The following DNAH5 variants were observed in gnomAD, a reference collection of about 807,000 sequenced individuals.
DNAH5 encodes the protein axonemal beta dynein heavy chain 5.
In DNAH5, 372 loss-of-function variants were observed where a neutral mutation model predicts 518.2. The ratio of observed to expected loss-of-function variants is 0.72; its 90% CI spans 0.66 to 0.78. The LOEUF (loss-of-function observed/expected upper bound fraction) is 0.78, where lower values mean the gene tolerates loss of function less well. Among genes scored for constraint, DNAH5 ranks in the 30% least tolerant of loss-of-function variants. The pLI is 0.00. For missense variants in DNAH5, 5,523 were observed against 5,687.0 expected (o/e 0.97, Z 0.93); for synonymous variants, 2,039 against 2,025.9 (o/e 1.01, Z -0.17).
rs1431853289 is a variant in DNAH5 at position 13,737,325 on chromosome 5, C to A, written c.11382G>T (p.Glu3794Asp). The part of the protein sequence containing the change: ...VLSNTKRTAE[E>D]VTQKLEISAE... ...CAGAAATTTCTAGCTTCTGTGTCAC[C>A]TCCTCGGCTGTCCTTTTTGTGTTAC... The change falls in exon 66 of 79, where the codon GAG (glutamate) becomes GAT (aspartate). Residue 3794 changes from glutamate (E) to aspartate (D), a missense_variant. Physicochemically the swap from Glu to Asp is conservative, Grantham distance 45. Transcript: ENST00000265104. 2 of 1,614,068 alleles carry A rather than the reference C, an allele frequency of 1.2e-6. No individual in the cohort carries two copies. Among genetic ancestry groups the A allele is most frequent in the Non-Finnish European group, 8.5e-7 (1 of 1,180,000 alleles).
At chr5:13,951,482 G>A (rs933386410) in intron 1 of DNAH5, among the ~76,000 whole-genome samples, 7 of 151,888 alleles carry the variant, frequency 4.6e-5, no homozygotes, top group African/African-American at 7.3e-5. Context: ...AGCCTCCCGA[G>A]GTGCTGTGAT....
chr5:13,720,994 C>G lies in DNAH5; in HGVS notation c.12279+6G>C, dbSNP rs762179184. 2.4e-5 allele frequency: 38 copies of G among 1,613,998 alleles called. No homozygotes were observed. In the African/African-American group the frequency reaches 4.8e-4, roughly 20 times the overall value. ...CATGGCACAAAAGTAGACTATTCAGCCTTACGTTCGCCATGGTCTGCTGCA... is the reference window on the plus strand; with the variant it reads ...CATGGCACAAAAGTAGACTATTCAGGCTTACGTTCGCCATGGTCTGCTGCA... On this transcript the variant is annotated splice_donor_region_variant and intron_variant, in intron 71 of 78. Coordinates refer to ENST00000265104, the MANE Select transcript of DNAH5 (RefSeq NM_001369.3).
intron 30 of DNAH5, among the ~76,000 whole-genome samples, chr5:13,856,476 C>T (rs527278734): frequency 1.3e-4 from 20 of 152,074 alleles, no homozygotes; most frequent in East Asian, 3.9e-4. Flanking sequence ...AAAACTATTC[C>T]GAACAATAGA....
chr5:13,810,321 G>A, intron 44 of DNAH5, 61 bp from the exon 45 acceptor site: 2 of 1,415,000 alleles, frequency 1.4e-6, no homozygotes, highest in Non-Finnish European at 9.8e-7. Context: ...GTTGCTCTAG[G>A]GTTTCAATGG....
intron 15 of DNAH5, among the ~76,000 whole-genome samples, chr5:13,895,395 C>A (rs371428950): frequency 2.6e-5 from 4 of 152,248 alleles, no homozygotes; most frequent in East Asian, 3.9e-4. Flanking sequence ...GGGAGAAAAT[C>A]TAAGGCCAAG....
chr5:13,735,702 A>C, intron 67 of DNAH5, 116 bp downstream of exon 67: 1 of 896,562 alleles, frequency 1.1e-6, no homozygotes, highest in South Asian at 1.3e-5. Context: ...CACTGATCTG[A>C]GATTTAAAAA....
intron 51 of DNAH5, among the ~76,000 whole-genome samples, chr5:13,787,400 G>A (rs1283975412): frequency 6.6e-6 from 1 of 152,148 alleles, no homozygotes; most frequent in African/African-American, 2.4e-5. Context: ...TCAATTGACT[G>A]TGTCCTAACA....
At chr5:13,815,909 T>C (rs1761386778) in intron 42 of DNAH5, among the ~76,000 whole-genome samples, 1 of 151,940 alleles carries the variant, frequency 6.6e-6, no homozygotes, top group Admixed American at 6.6e-5. Flanking sequence ...TCTAGATAAG[T>C]GTGGAGAGAG....
At chr5:13,809,992 G>C in intron 45 of DNAH5, 67 bp downstream of exon 45, 1 of 1,403,026 alleles carries the variant, frequency 7.1e-7, no homozygotes, top group Non-Finnish European at 9.9e-7. Context: ...TATATATGGT[G>C]TAAATATTGG....
chr5:13,765,383 G>C (rs994647840), intron 59 of DNAH5, among the ~76,000 whole-genome samples: 2 of 152,156 alleles, frequency 1.3e-5, no homozygotes, highest in African/African-American at 4.8e-5. Context: ...CAAAACAAAA[G>C]TGTTCATACA....
intron 41 of DNAH5, among the ~76,000 whole-genome samples, 159 bp from the exon 42 acceptor site, chr5:13,817,853 T>G (rs1054806849): frequency 1.7e-4 from 26 of 152,264 alleles, no homozygotes; most frequent in African/African-American, 6.0e-4. Context: ...TAAGTTACCA[T>G]AATTAGCTTC....
chr5:13,769,633 A>C lies in DNAH5; in HGVS notation c.9606-18T>G, dbSNP rs374561149. ...TATTCATTCTGGGATTGAAAATCCA[A>C]GCAAGCAATGTTAAAATGTGTAGGA... On this transcript the variant is annotated intron_variant, in intron 56 of 78. Coordinates refer to ENST00000265104, the MANE Select transcript of DNAH5 (RefSeq NM_001369.3). 27 of 1,598,182 alleles carry C rather than the reference A, an allele frequency of 1.7e-5. No homozygotes were observed. Among genetic ancestry groups the C allele is most frequent in the Non-Finnish European group, 2.2e-5 (26 of 1,165,634 alleles).
Position 13,931,197 on chromosome 5 carries a change from C to T in DNAH5, c.105G>A (p.Ala35=), listed in dbSNP as rs753457503. 6.2e-7 allele frequency: 1 copy of T among 1,614,104 alleles called. No individual in the cohort carries two copies. Among genetic ancestry groups the T allele is most frequent in the Non-Finnish European group, 8.5e-7 (1 of 1,179,966 alleles). Reference sequence around the variant, plus strand: ...CAATTGCAAATAAGTAGTTATGCCTCGCATCCAAAAGAGCCCGCTTGGCTT... The same window carrying T: ...CAATTGCAAATAAGTAGTTATGCCTTGCATCCAAAAGAGCCCGCTTGGCTT... ...EKEAKRALLD[A]RHNYLFAIVA... Residue 35 remains alanine, a synonymous_variant, in exon 2 of 79, where the codon GCG becomes GCA. Coordinates refer to ENST00000265104, the MANE Select transcript of DNAH5 (RefSeq NM_001369.3).
intron 45 of DNAH5, 46 bp downstream of exon 45, chr5:13,810,013 A>G (rs1198860172): frequency 6.6e-7 from 1 of 1,524,386 alleles, no homozygotes; most frequent in African/African-American, 1.4e-5. Flanking sequence ...CCATGTAGGA[A>G]AGAACGGCCC....
At chr5:13,852,098 C>A (rs1375997033) in intron 30 of DNAH5, among the ~76,000 whole-genome samples, 8 of 106 alleles carry the variant, frequency 0.075, no homozygotes, top group African/African-American at 0.19. Flanking sequence ...GTGCCTACCC[C>A]ACAAGGGCCT....
At chr5:13,930,755 A>G (rs1403362019) in intron 2 of DNAH5, among the ~76,000 whole-genome samples, 16 of 152,232 alleles carry the variant, frequency 1.1e-4, no homozygotes, top group Admixed American at 1.0e-3. Context: ...TCCAGTGCCT[A>G]GAACAGGGGA....
In DNAH5 at chr5:13,753,595, T is replaced by A. The variant is rs138987164; in HGVS notation, c.10556-46A>T. 5.6e-3 allele frequency: 8,425 copies of A among 1,505,624 alleles called. 37 individuals carry two copies. Among genetic ancestry groups the A allele is most frequent in the Non-Finnish European group, 5.9e-3 (6,471 of 1,088,560 alleles). 93.3% of individuals were successfully genotyped at this position (1,505,624 alleles called of 1,614,324 possible). On this transcript the variant is annotated intron_variant, in intron 62 of 78. Coordinates refer to ENST00000265104, the MANE Select transcript of DNAH5 (RefSeq NM_001369.3). ...CATTGAAATACTTTACGTTCATCCGTGTGATTGTACAGCATATTAAAAATG... is the reference window on the plus strand; with the variant it reads ...CATTGAAATACTTTACGTTCATCCGAGTGATTGTACAGCATATTAAAAATG...
intron 1 of DNAH5, among the ~76,000 whole-genome samples, chr5:13,983,745 G>A (rs927454878): frequency 2.6e-5 from 4 of 152,280 alleles, no homozygotes; most frequent in South Asian, 2.1e-4. Flanking sequence ...TGTTTAACTG[G>A]AAGAAAAGAG....
At chr5:13,693,814 A>G (rs1741009975) in intron 78 of DNAH5, among the ~76,000 whole-genome samples, 1 of 152,256 alleles carries the variant, frequency 6.6e-6, no homozygotes. Flanking sequence ...AATCTCATGA[A>G]AGTAATCATT....
Sources: gnomAD v4.1 joint callset for allele counts (sites outside exome capture counted in the v4.1 genomes callset) on GRCh38, gnomAD v4.1.1 for gene constraint, MANE v1.5 for transcripts, NCBI Gene and HGNC (gene_info 2026-07-23, HGNC 2026-07-21) for gene names.